Variants in YBX1 observed in about 807,000 individuals in gnomAD.
YBX1 encodes the protein Y-box binding protein 1.
Under a neutral mutation model 41.4 loss-of-function variants are expected in YBX1, and 3 were observed. The ratio of observed to expected loss-of-function variants is 0.07; its 90% CI spans 0.03 to 0.19. YBX1 has a LOEUF of 0.19. Ranked by LOEUF, YBX1 falls within the 10% of genes least tolerant of loss-of-function variation. YBX1 has a pLI of 1.00. For synonymous variants in YBX1, 133 were observed against 165.8 expected, an observed-to-expected ratio of 0.80 and a Z score of 1.52; for missense variants, 274 against 462.8, an observed-to-expected ratio of 0.59 and a Z score of 3.74.
At chr1:42,683,244 G>A in intron 1 of YBX1, 159 bp from the exon 2 acceptor site, 1 of 821,552 alleles carries the variant, frequency 1.2e-6, no homozygotes, top group Non-Finnish European at 2.1e-6. Flanking sequence ...GTGTGCGGCG[G>A]CGGCGGCGAC....
chr1:42,690,925 A>C (rs369166679), intron 2 of YBX1, among the ~76,000 whole-genome samples: 3 of 152,356 alleles, frequency 2.0e-5, no homozygotes, highest in Admixed American at 6.5e-5. Context: ...GGTCAGTTCC[A>C]GTGTTAATTT....
rs888106893 is a variant in YBX1 at position 42,682,458 on chromosome 1, C to T, written c.-108C>T. Reference sequence around the variant, plus strand: ...ATCGGTAGCGGGAGCGGAGAGCGGACCCCAGAGAGCCCTGAGCAGCCCCAC... The same window carrying T: ...ATCGGTAGCGGGAGCGGAGAGCGGATCCCAGAGAGCCCTGAGCAGCCCCAC... On this transcript the variant is annotated 5_prime_UTR_variant, in exon 1 of 8. Transcript: ENST00000321358. 1.1e-5 allele frequency: 14 copies of T among 1,232,126 alleles called. No individual in the cohort carries two copies. Among genetic ancestry groups the T allele is most frequent in the Non-Finnish European group, 1.5e-5 (14 of 963,992 alleles). 76.3% of individuals were successfully genotyped at this position (1,232,126 alleles called of 1,614,324 possible).
intron 6 of YBX1, among the ~76,000 whole-genome samples, chr1:42,697,623 A>T (rs528816243): frequency 6.6e-6 from 1 of 152,214 alleles, no homozygotes; most frequent in Non-Finnish European, 1.5e-5. Context: ...ATCACTTGAA[A>T]TGGCATACAT....
chr1:42,700,593 T>TC (rs1650569893), intron 6 of YBX1, among the ~76,000 whole-genome samples, 188 bp from the exon 7 acceptor site: 2 of 130,198 alleles, frequency 1.5e-5, no homozygotes, highest in Non-Finnish European at 3.2e-5. Flanking sequence ...AGCAAGACTC[T>TC]TCCCCCTACT....
rs538855568 is a variant in YBX1 at position 42,694,257 on chromosome 1, A to G, written c.264+734A>G. ...TCTCCCTAAGTATCATTTAGGGAAA[A>G]TGTTTGCACATTCAGGAATTAAGAT... On this transcript the variant is annotated intron_variant, in intron 3 of 7. Transcript: ENST00000321358. Among the ~76,000 whole-genome samples, 6 of 152,302 alleles carry G rather than the reference A, an allele frequency of 3.9e-5. No homozygotes were observed. In the East Asian group the frequency reaches 1.2e-3, roughly 29 times the overall value.
rs545450681 is a variant in YBX1, at chr1:42,703,636, C to T, written c.*1687C>T. Among the ~76,000 whole-genome samples the T allele has an allele frequency of 2.0e-5, 3 of 152,238 alleles. No homozygotes were observed. Among genetic ancestry groups the T allele is most frequent in the East Asian group, 1.9e-4 (1 of 5,176 alleles). On this transcript the variant is annotated 3_prime_UTR_variant, in exon 8 of 8. Coordinates refer to ENST00000321358, the MANE Select transcript of YBX1 (RefSeq NM_004559.5). ...CTAAACTGTTACTTACAACTGCAGACGCACACAGTCCCTGACTTAAACAGT... is the reference window on the plus strand; with the variant it reads ...CTAAACTGTTACTTACAACTGCAGATGCACACAGTCCCTGACTTAAACAGT...
intron 2 of YBX1, among the ~76,000 whole-genome samples, chr1:42,687,497 G>C (rs1362827205): frequency 6.6e-6 from 1 of 152,156 alleles, no homozygotes; most frequent in Non-Finnish European, 1.5e-5. Flanking sequence ...GGCCAGGCTG[G>C]TCTCAAGCTC....
Position 42,696,111 on chromosome 1 carries a change from C to T in YBX1, c.265-88C>T. 3 of 1,197,214 alleles carry T rather than the reference C, an allele frequency of 2.5e-6. No individual in the cohort carries two copies. Among genetic ancestry groups the T allele is most frequent in the Non-Finnish European group, 3.5e-6 (3 of 854,700 alleles). 74.2% of individuals were successfully genotyped at this position (1,197,214 alleles called of 1,614,324 possible). On this transcript the variant is annotated intron_variant, in intron 3 of 7. Transcript: ENST00000321358. The surrounding 1 kb of genome is among the most constrained non-coding windows in gnomAD (Gnocchi z 5.7). ...AGCAAATCTTAAGTGTATATCCAAG[C>T]TAAAATAATATTGACTCTGGTACAT... is the stretch of plus-strand genomic sequence containing the variant.
chr1:42,693,627 C>A (rs1260108096), intron 3 of YBX1, 104 bp downstream of exon 3: 2 of 1,217,090 alleles, frequency 1.6e-6, no homozygotes, highest in African/African-American at 1.5e-5. Flanking sequence ...TAAGTCCAAC[C>A]ACCAGTTTAT....
chr1:42,685,045 T>C (rs2148735099), intron 2 of YBX1, among the ~76,000 whole-genome samples: 1 of 152,318 alleles, frequency 6.6e-6, no homozygotes, highest in East Asian at 1.9e-4. Context: ...CTTGACCCAA[T>C]GTAATGGTAA....
chr1:42,684,169 A>G (rs186736605), intron 2 of YBX1, among the ~76,000 whole-genome samples: 16 of 152,298 alleles, frequency 1.1e-4, no homozygotes, highest in Non-Finnish European at 1.8e-4. Flanking sequence ...GGCCATAGTC[A>G]CTGGTAACTT....
Position 42,696,907 on chromosome 1 carries a change from A to G in YBX1, c.620A>G (p.Gln207Arg). 6.4e-7 allele frequency: 1 copy of G among 1,569,940 alleles called. No homozygotes were observed. Among genetic ancestry groups the G allele is most frequent in the Non-Finnish European group, 8.6e-7 (1 of 1,157,082 alleles). ...YMRRPYGRRP[Q>R]YSNPPVQGEV... is the part of the protein sequence containing the mutation. ...CGGAGACCCTATGGGCGTCGACCAC[A>G]GTATTCCAACCCTCCTGTGCAGGGA... The change falls in exon 5 of 8, where the codon CAG becomes CGG. Residue 207 changes from glutamine (Q) to arginine (R), a missense_variant. Coordinates refer to ENST00000321358, the MANE Select transcript of YBX1 (RefSeq NM_004559.5). The surrounding 1 kb of genome is among the most constrained non-coding windows in gnomAD (Gnocchi z 5.7).
intron 2 of YBX1, among the ~76,000 whole-genome samples, chr1:42,687,980 A>G (rs1341846093): frequency 1.3e-5 from 2 of 152,208 alleles, no homozygotes; most frequent in Non-Finnish European, 2.9e-5. Flanking sequence ...AAAGACAAAC[A>G]TCAATGACAT....
At chr1:42,683,140 C>T (rs1327439133) in intron 1 of YBX1, 17 of 632,364 alleles carry the variant, frequency 2.7e-5, no homozygotes, top group Non-Finnish European at 4.6e-5. Flanking sequence ...CCCCTTCCCT[C>T]ACGTGCTCTC....
At chr1:42,689,976 T>C (rs1650290244) in intron 2 of YBX1, among the ~76,000 whole-genome samples, 1 of 152,192 alleles carries the variant, frequency 6.6e-6, no homozygotes, top group African/African-American at 2.4e-5. Flanking sequence ...ATTAAGTGTT[T>C]AGTGTAGTTT....
Position 42,697,238 on chromosome 1 carries a change from G to A in YBX1, c.716G>A (p.Arg239Gln), listed in dbSNP as rs745492729. The change falls in exon 6 of 8, where the codon CGG becomes CAG. Residue 239 changes from arginine to glutamine, a missense_variant. Physicochemically the swap from Arg to Gln is conservative, Grantham distance 43. Around this residue, in one of 3 missense-constraint regions of YBX1, gnomAD observed 187 missense variants for 306.3 expected, o/e 0.61. Transcript: ENST00000321358. Reference protein sequence around the residue: ...QGRPVRQNMYRGYRPRFRRGP... With the variant: ...QGRPVRQNMYQGYRPRFRRGP... ...AGACCAGTGAGGCAGAATATGTATC[G>A]GGGATATAGACCACGATTCCGCAGG... 11 of 1,613,810 alleles carry A rather than the reference G, an allele frequency of 6.8e-6. No individual in the cohort carries two copies. Among genetic ancestry groups the A allele is most frequent in the South Asian group, 1.1e-5 (1 of 91,038 alleles).
chr1:42,692,346 C>T (rs1650361502), intron 2 of YBX1, among the ~76,000 whole-genome samples: 1 of 152,110 alleles, frequency 6.6e-6, no homozygotes, highest in African/African-American at 2.4e-5. Flanking sequence ...GACAGATGGA[C>T]ATTAGGTACA....
chr1:42,694,008 A>C lies in YBX1; in HGVS notation c.264+485A>C, dbSNP rs920263116. 4.6e-5 allele frequency among the ~76,000 whole-genome samples: 7 copies of C among 152,138 alleles called. No individual in the cohort carries two copies. In the East Asian group the frequency reaches 7.7e-4, roughly 17 times the overall value. On this transcript the variant is annotated intron_variant, in intron 3 of 7. Coordinates refer to ENST00000321358, the MANE Select transcript of YBX1 (RefSeq NM_004559.5). ...GCATAAAGAGCCTTCTGCTTACTTT[A>C]AATCACTTTGAATGGGTATTGGGTT...
At position 42,686,604 on chromosome 1, in the gene YBX1, C is replaced by A. The variant is rs556265448; in HGVS notation, c.230+3138C>A. ...AAAGGTTTGGCTATCTCTCTTTAGT[C>A]ACGCCTATCAGGTTTAGTCTCCCTT... On this transcript the variant is annotated intron_variant, in intron 2 of 7. Transcript: ENST00000321358. Among the ~76,000 whole-genome samples, 4 of 152,214 alleles carry A rather than the reference C, an allele frequency of 2.6e-5. No homozygotes were observed. In the South Asian group the frequency reaches 8.3e-4, roughly 32 times the overall value.
Sources: allele counts gnomAD v4.1 joint callset (sites outside exome capture counted in the v4.1 genomes callset), GRCh38; gene constraint gnomAD v4.1.1; regional missense constraint gnomAD v4.1.1; non-coding constraint Gnocchi (gnomAD v3.1); transcripts MANE v1.5; gene names NCBI Gene and HGNC (gene_info 2026-07-23, HGNC 2026-07-21).